Variants in ENDOV observed in about 807,000 individuals in gnomAD.
ENDOV encodes endonuclease V, also known as hEndoV.
Under a neutral mutation model 39.4 loss-of-function variants are expected in ENDOV, and 37 were observed. The observed-to-expected ratio is 0.94, with a 90% confidence interval of 0.72 to 1.23. ENDOV has a LOEUF of 1.23. Ranked by LOEUF, ENDOV falls within the 50% of genes most tolerant of loss-of-function variation. ENDOV has a pLI of 0.00. For missense variants in ENDOV, 441 were observed against 375.7 expected (o/e 1.17, Z -1.44); for synonymous variants, 186 against 163.4 (o/e 1.14, Z -1.05).
chr17:80,428,644 G>C lies in ENDOV; in HGVS notation c.763G>C (p.Gly255Arg). 6.3e-7 allele frequency: 1 copy of C among 1,583,004 alleles called. No individual in the cohort carries two copies. ...CATCCGCAAGTCGCTGGGACTCCCC[G>C]GGCCACCCACACCGAGGTGAGCACC... is the stretch of plus-strand genomic sequence containing the variant. The part of the protein sequence containing the change: ...EHIRKSLGLP[G>R]PPTPRSPKAQ... Residue 255 changes from glycine to arginine, a missense_variant, in exon 8 of 10, where the codon GGG becomes CGG. By Grantham distance (125) the Gly-to-Arg change is moderately radical. Coordinates refer to ENST00000518137, the MANE Select transcript of ENDOV (RefSeq NM_173627.5).
rs2083622146 is a variant in ENDOV at position 80,437,245 on chromosome 17, CAG to C, written c.*1107_*1108del. 1.3e-5 allele frequency: 2 copies of C among 152,822 alleles called. No individual in the cohort carries two copies. Among genetic ancestry groups the C allele is most frequent in the African/African-American group, 2.4e-5 (1 of 41,576 alleles). The allele number at this position is 152,822 out of a possible 1,614,324, so 9.5% of individuals were successfully genotyped here. ...TGAGGACTCACCTAAGCCCAAGAGT[CAG>C]AGAGTCGGAGCTCCAACCACATCTG... On this transcript the variant is annotated 3_prime_UTR_variant, in exon 10 of 10. Coordinates refer to ENST00000518137, the MANE Select transcript of ENDOV (RefSeq NM_173627.5).
intron 1 of ENDOV, 123 bp from the exon 2 acceptor site, chr17:80,415,527 C>T (rs945664780): frequency 5.4e-6 from 7 of 1,307,586 alleles, no homozygotes; most frequent in African/African-American, 4.5e-5. Context: ...CGGTATGTCC[C>T]TTGCTTTCCC....
At chr17:80,431,417 A>G (rs989803479) in intron 9 of ENDOV, among the ~76,000 whole-genome samples, 1 of 152,166 alleles carries the variant, frequency 6.6e-6, no homozygotes, top group African/African-American at 2.4e-5. Context: ...AGAAATTTCT[A>G]TAAGAAGTAG....
In ENDOV at chr17:80,429,848, A is replaced by C. The variant is rs763795029; in HGVS notation, c.838+17A>C. 1.2e-6 allele frequency: 2 copies of C among 1,612,670 alleles called. No homozygotes were observed. Among genetic ancestry groups the C allele is most frequent in the Non-Finnish European group, 1.7e-6 (2 of 1,179,802 alleles). On this transcript the variant is annotated intron_variant, in intron 9 of 9. Transcript: ENST00000518137. The stretch of plus-strand genomic sequence containing the variant: ...AGTCCTCAGGTGAGGGCCAGCCCCC[A>C]CAGGACCACAGCCCAGGCCCCAGGA...
At chr17:80,425,689 T>G in intron 7 of ENDOV, 69 bp downstream of exon 7, 1 of 1,531,900 alleles carries the variant, frequency 6.5e-7, no homozygotes, top group Non-Finnish European at 8.7e-7. Context: ...TGTTCAGGGC[T>G]CCCCAGCAGC....
At chr17:80,415,294 G>A (rs1250331571) in intron 1 of ENDOV, 44 bp downstream of exon 1, 5 of 1,606,320 alleles carry the variant, frequency 3.1e-6, no homozygotes, top group Non-Finnish European at 4.3e-6. Context: ...GCCGAGGCCG[G>A]GCGGCCCTTC....
intron 3 of ENDOV, 102 bp downstream of exon 3, chr17:80,422,064 A>G: frequency 1.3e-6 from 2 of 1,561,254 alleles, no homozygotes; most frequent in South Asian, 2.3e-5. Flanking sequence ...GGAGAGACTC[A>G]TGAGCTTCCT....
Position 80,415,265 on chromosome 17 carries a change from C to T in ENDOV, c.56+15C>T, listed in dbSNP as rs1275137076. The T allele has an allele frequency of 1.9e-6, 3 of 1,612,952 alleles. No individual in the cohort carries two copies. The highest frequency in any genetic ancestry group is 2.5e-6 in the Non-Finnish European group (3 of 1,179,530). ...CTGTGGAAACGGTAATGCTGTCAGGCGACGCGCAGGAGGCGGGGGCCGAGG... is the reference window on the plus strand; with the variant it reads ...CTGTGGAAACGGTAATGCTGTCAGGTGACGCGCAGGAGGCGGGGGCCGAGG... On this transcript the variant is annotated intron_variant, in intron 1 of 9. Transcript: ENST00000518137.
chr17:80,415,172 GA>G lies in ENDOV; in HGVS notation c.-21del, dbSNP rs146174066. ...GAGTCGCTTCCGGAAGTGACGTGCG[GA>G]AGGGGTGCCCGGGACGAAGCCATGG... On this transcript the variant is annotated 5_prime_UTR_variant, in exon 1 of 10. Coordinates refer to ENST00000518137, the MANE Select transcript of ENDOV (RefSeq NM_173627.5). 1,353 of 1,612,196 alleles carry G rather than the reference GA, an allele frequency of 8.4e-4. 10 individuals carry two copies. In the African/African-American group the frequency reaches 0.014, roughly 17 times the overall value.
chr17:80,422,034 C>T lies in ENDOV; in HGVS notation c.363+72C>T, dbSNP rs1413290311. ...TGGGGGAGGGAAGGCTGCTGCAGGT[C>T]GCCACCACCACAGTGGCAGGGAGAG... On this transcript the variant is annotated intron_variant, in intron 3 of 9. Transcript: ENST00000518137. The T allele has an allele frequency of 4.2e-5, 66 of 1,580,306 alleles. 2 individuals are homozygous for T. The South Asian group carries it at 4.4e-4, about 11-fold the overall frequency.
In ENDOV at chr17:80,423,952, C is replaced by T. The variant is rs529932058; in HGVS notation, c.516+320C>T. 1.1e-4 allele frequency: 43 copies of T among 405,816 alleles called. 1 individual carries two copies. The East Asian group carries it at 1.3e-3, about 13-fold the overall frequency. The allele number at this position is 405,816 out of a possible 1,614,324, so 25.1% of individuals were successfully genotyped here. ...GACAGGACGGGCTTCCAGGCTGTCC[C>T]GGGCGCACTTGGTGCTTTCCCCACC... On this transcript the variant is annotated intron_variant, in intron 5 of 9. Transcript: ENST00000518137.
chr17:80,432,653 T>C (rs41301924), intron 9 of ENDOV, among the ~76,000 whole-genome samples: 22 of 152,122 alleles, frequency 1.4e-4, no homozygotes, highest in African/African-American at 5.1e-4. Context: ...GAGGCATAGG[T>C]GAGACCATTG....
At chr17:80,419,375 C>T in intron 2 of ENDOV, 1 of 543,366 alleles carries the variant, frequency 1.8e-6, no homozygotes, top group Non-Finnish European at 3.3e-6. Flanking sequence ...TGGCGGAGCC[C>T]GTTCTGTGCC....
Position 80,415,749 on chromosome 17 carries a change from CGTGTCCTTCGTGAAAGGGGACA to C in ENDOV, c.163_184del (p.Phe55AlafsTer136), listed in dbSNP as rs779002744. On this transcript the variant is annotated frameshift_variant, in exon 2 of 10. Coordinates refer to ENST00000518137, the MANE Select transcript of ENDOV (RefSeq NM_173627.5). LOFTEE classifies it high-confidence loss of function. ...GTCTGCAGAGGGTCGGGGGCGTTGACGTGTCCTTCGTGAAAGGGGACAGTGTCCGCGCTTGTGCTTCCCTGGT... is the reference window on the plus strand; with the variant it reads ...GTCTGCAGAGGGTCGGGGGCGTTGACGTGTCCGCGCTTGTGCTTCCCTGGT... 1 of 1,606,084 alleles carries C rather than the reference CGTGTCCTTCGTGAAAGGGGACA, an allele frequency of 6.2e-7. No individual in the cohort carries two copies. Among genetic ancestry groups the C allele is most frequent in the Non-Finnish European group, 8.5e-7 (1 of 1,176,508 alleles).
chr17:80,423,486 C>A (rs1364591459), intron 4 of ENDOV, 34 bp from the exon 5 acceptor site: 101 of 1,288,188 alleles, frequency 7.8e-5, no homozygotes, highest in Middle Eastern at 1.9e-4. Flanking sequence ...CCCAGCCCCA[C>A]CTCCCCAACC....
At position 80,428,621 on chromosome 17, in the gene ENDOV, T is replaced by C. The variant is rs1291366698; in HGVS notation, c.740T>C (p.Ile247Thr). 1 of 1,586,270 alleles carries C rather than the reference T, an allele frequency of 6.3e-7. No individual in the cohort carries two copies. The highest frequency in any genetic ancestry group is 8.6e-7 in the Non-Finnish European group (1 of 1,166,912). The change falls in exon 8 of 10, where the codon ATC (isoleucine) becomes ACC (threonine). Residue 247 changes from isoleucine (I) to threonine (T), a missense_variant. Coordinates refer to ENST00000518137, the MANE Select transcript of ENDOV (RefSeq NM_173627.5). ...RQADICSREH[I>T]RKSLGLPGPP... ...GCTGACATCTGCTCCCGAGAGCACA[T>C]CCGCAAGTCGCTGGGACTCCCCGGG...
chr17:80,419,551 C>G, intron 2 of ENDOV: 1 of 702,232 alleles, frequency 1.4e-6, no homozygotes, highest in East Asian at 2.7e-5. Context: ...CCGCAGGGAG[C>G]TGACTCCTAC....
At position 80,425,082 on chromosome 17, in the gene ENDOV, T is replaced by C. The variant is rs2145006199; in HGVS notation, c.567T>C (p.Ser189=). 6.2e-7 allele frequency: 1 copy of C among 1,610,754 alleles called. No homozygotes were observed. The highest frequency in any genetic ancestry group is 8.5e-7 in the Non-Finnish European group (1 of 1,178,544). ...RGDSFPLLGD[S]GTVLGMALRS... is the part of the protein sequence containing the mutation. ...ACTCATTCCCTCTGCTGGGAGACTC[T>C]GGGACTGTCCTGGGAATGGTGAGTA... The change falls in exon 6 of 10, where the codon TCT becomes TCC. Residue 189 remains serine, a synonymous_variant. Transcript: ENST00000518137.
At chr17:80,430,491 C>T in intron 9 of ENDOV, 1 of 803,104 alleles carries the variant, frequency 1.2e-6, no homozygotes, top group East Asian at 5.2e-5. Flanking sequence ...CCACCTCTGC[C>T]CTGACACGGG....
Sources: gnomAD v4.1 joint callset for allele counts (sites outside exome capture counted in the v4.1 genomes callset) on GRCh38, gnomAD v4.1.1 for gene constraint, MANE v1.5 for transcripts, NCBI Gene and HGNC (gene_info 2026-07-23, HGNC 2026-07-21) for gene names.